Variants in CCNY observed in about 807,000 individuals in gnomAD.
CCNY encodes cyclin-Y.
In CCNY, 19 loss-of-function variants were observed where a neutral mutation model predicts 42.8. The observed-to-expected ratio is 0.44, with a 90% CI of 0.31 to 0.65. CCNY has a LOEUF of 0.65. Among genes scored for constraint, CCNY ranks in the 30% least tolerant of loss-of-function variants. The probability of loss-of-function intolerance (pLI) is 0.07; values close to 1 mark genes in which losing one functional copy is unlikely to be tolerated. For synonymous variants in CCNY, 165 were observed against 162.7 expected, an observed-to-expected ratio of 1.01 and a Z score of -0.11; for missense variants, 370 against 437.3, an observed-to-expected ratio of 0.85 and a Z score of 1.37.
Position 35,252,671 on chromosome 10 carries a change from T to G in CCNY, c.-9+2045T>G, listed in dbSNP as rs185837301. ...ATTGGAAAATATATTCTCTGCAAATTTGTACTGGATGGAGATCTTGCTTCT... is the reference window on the plus strand; with the variant it reads ...ATTGGAAAATATATTCTCTGCAAATGTGTACTGGATGGAGATCTTGCTTCT... On this transcript the variant is annotated intron_variant, in intron 3 of 11. Transcript: ENST00000374706. Among the ~76,000 whole-genome samples, 107 of 152,162 alleles carry G rather than the reference T, an allele frequency of 7.0e-4. 3 individuals are homozygous for G. The highest frequency in any genetic ancestry group is 2.5e-3 in the African/African-American group (102 of 41,518).
At chr10:35,414,991 G>T (rs1213205261) in intron 1 of CCNY, among the ~76,000 whole-genome samples, 6 of 152,240 alleles carry the variant, frequency 3.9e-5, no homozygotes, top group African/African-American at 1.2e-4. Flanking sequence ...GACCCAGGAT[G>T]AAGTGGATCA....
intron 1 of CCNY, among the ~76,000 whole-genome samples, chr10:35,399,999 G>A (rs1837609800): frequency 6.6e-6 from 1 of 152,080 alleles, no homozygotes; most frequent in South Asian, 2.1e-4. Flanking sequence ...CAGTTTACAT[G>A]GGGACTCAGA....
intron 1 of CCNY, among the ~76,000 whole-genome samples, chr10:35,438,172 C>T (rs1838581501): frequency 6.8e-6 from 1 of 146,788 alleles, no homozygotes; most frequent in Non-Finnish European, 1.5e-5. Flanking sequence ...TTTTCTGAGG[C>T]AAGGCCTTTT....
chr10:35,528,591 A>G (rs1360162144), intron 5 of CCNY, among the ~76,000 whole-genome samples: 1 of 152,168 alleles, frequency 6.6e-6, no homozygotes, highest in Non-Finnish European at 1.5e-5. Context: ...AATCCCAGCT[A>G]CAAGGGATAT....
chr10:35,385,578 A>G (rs1156662287), intron 1 of CCNY, among the ~76,000 whole-genome samples: 2 of 152,236 alleles, frequency 1.3e-5, no homozygotes, highest in Non-Finnish European at 2.9e-5. Context: ...TGGTTATGCC[A>G]CTGTATACTC....
chr10:35,546,758 G>GT (rs889252941), intron 7 of CCNY, among the ~76,000 whole-genome samples: 1 of 151,590 alleles, frequency 6.6e-6, no homozygotes, highest in African/African-American at 2.4e-5. Flanking sequence ...ATGACTGTTT[G>GT]TTTTTTTCCC....
At position 35,386,096 on chromosome 10, in the gene CCNY, G is replaced by T. The variant is rs557533213; in HGVS notation, c.154+48889G>T. Among the ~76,000 whole-genome samples, 7 of 152,262 alleles carry T rather than the reference G, an allele frequency of 4.6e-5. No homozygotes were observed. The South Asian group carries it at 1.0e-3, about 22-fold the overall frequency. ...GACCTCTGGATATGTAATTCTGCTA[G>T]ATTTAGCCAAAAATTTGTGTCACGT... On this transcript the variant is annotated intron_variant, in intron 1 of 9. Transcript: ENST00000374704.
intron 1 of CCNY, among the ~76,000 whole-genome samples, chr10:35,389,922 A>G (rs11010188): frequency 0.29 from 43,526 of 152,138 alleles, 6,531 homozygotes; most frequent in Admixed American, 0.35. Context: ...ATAGAACAAA[A>G]TGAACAAAGT....
intron 1 of CCNY, among the ~76,000 whole-genome samples, chr10:35,345,678 G>A (rs573757384): frequency 3.9e-5 from 6 of 152,276 alleles, no homozygotes; most frequent in African/African-American, 1.4e-4. Context: ...TGGAGAAGCT[G>A]GAAGCCTAAA....
chr10:35,287,831 T>C (rs1835371940), intron 3 of CCNY, among the ~76,000 whole-genome samples: 1 of 152,192 alleles, frequency 6.6e-6, no homozygotes, highest in Admixed American at 6.5e-5. Context: ...AATTTTTGTT[T>C]TTTAAGTAGA....
At chr10:35,466,041 G>A (rs1839263176) in intron 1 of CCNY, among the ~76,000 whole-genome samples, 1 of 151,864 alleles carries the variant, frequency 6.6e-6, no homozygotes, top group African/African-American at 2.4e-5. Flanking sequence ...ATACCTCTCT[G>A]CAGTCCATTC....
At chr10:35,502,278 A>T (rs868391794) in intron 3 of CCNY, among the ~76,000 whole-genome samples, 2 of 152,212 alleles carry the variant, frequency 1.3e-5, no homozygotes, top group South Asian at 2.1e-4. Flanking sequence ...AGAGGGATGG[A>T]ATGATGAAAC....
intron 4 of CCNY, among the ~76,000 whole-genome samples, chr10:35,523,282 T>G (rs956850187): frequency 1.3e-5 from 2 of 152,190 alleles, no homozygotes; most frequent in Admixed American, 1.3e-4. Flanking sequence ...TCATTTCCAC[T>G]TGGCCCACTG....
At chr10:35,309,199 AAG>A (rs1835651838) in intron 3 of CCNY, among the ~76,000 whole-genome samples, 1 of 152,158 alleles carries the variant, frequency 6.6e-6, no homozygotes, top group African/African-American at 2.4e-5. Context: ...CAAAGGGAAA[AAG>A]AGTGGTTTGG....
At chr10:35,381,653 AT>A (rs933795609) in intron 1 of CCNY, among the ~76,000 whole-genome samples, 2 of 152,054 alleles carry the variant, frequency 1.3e-5, no homozygotes, top group African/African-American at 4.8e-5. Flanking sequence ...ACACATGGGG[AT>A]TCAGCTGCTT....
In CCNY at chr10:35,524,601, T is replaced by A. The variant is rs371325771; in HGVS notation, c.366-1363T>A. 3.3e-4 allele frequency among the ~76,000 whole-genome samples: 51 copies of A among 152,340 alleles called. 1 individual carries two copies. The highest frequency in any genetic ancestry group is 1.2e-3 in the African/African-American group (51 of 41,576). On this transcript the variant is annotated intron_variant, in intron 4 of 9. Coordinates refer to ENST00000374704, the MANE Select transcript of CCNY (RefSeq NM_145012.6). ...ACCGTCTGTTGCAGCCAGTTACCTA[T>A]GTTCTTAGAGGCTTAAAAATAATTT...
At chr10:35,532,174 TGCTTGTGG>T (rs1359292886) in intron 7 of CCNY, among the ~76,000 whole-genome samples, 4 of 152,250 alleles carry the variant, frequency 2.6e-5, no homozygotes, top group Non-Finnish European at 2.9e-5. Context: ...CGCAGCTGCA[TGCTTGTGG>T]GTAGAGGGCA....
At chr10:35,532,788 T>A (rs537137676) in intron 7 of CCNY, among the ~76,000 whole-genome samples, 7 of 152,342 alleles carry the variant, frequency 4.6e-5, no homozygotes, top group African/African-American at 7.2e-5. Flanking sequence ...CCAAGCTGAC[T>A]GATCCTGAGA....
chr10:35,503,097 C>A (rs961250535), intron 3 of CCNY, among the ~76,000 whole-genome samples: 1 of 152,134 alleles, frequency 6.6e-6, no homozygotes, highest in Non-Finnish European at 1.5e-5. Flanking sequence ...GCCCCACCCC[C>A]CCAACAGGCA....
Sources: allele counts gnomAD v4.1 joint callset (sites outside exome capture counted in the v4.1 genomes callset), GRCh38; gene constraint gnomAD v4.1.1; transcripts MANE v1.5; gene names NCBI Gene and HGNC (gene_info 2026-07-23, HGNC 2026-07-21).